The following ERMP1 variants were observed in gnomAD, a reference collection of about 807,000 sequenced individuals.
ERMP1 encodes the protein endoplasmic reticulum metallopeptidase 1.
Under a neutral mutation model 92.0 loss-of-function variants are expected in ERMP1, and 86 were observed. The observed-to-expected ratio is 0.93, with a 90% CI of 0.79 to 1.12. ERMP1 has a LOEUF of 1.12. ERMP1 is among the 50% of genes most tolerant of loss of function. The pLI is 0.00. For missense variants in ERMP1, 1,342 were observed against 1,116.3 expected (o/e 1.20, Z -2.88); for synonymous variants, 530 against 412.8 (o/e 1.28, Z -3.44).
At position 5,832,845 on chromosome 9, in the gene ERMP1, G is replaced by A; in HGVS notation, c.183C>T (p.Ser61=). 1 of 1,504,130 alleles carries A rather than the reference G, an allele frequency of 6.6e-7. No individual in the cohort carries two copies. Among genetic ancestry groups the A allele is most frequent in the South Asian group, 1.2e-5 (1 of 80,396 alleles). The allele number at this position is 1,504,130 out of a possible 1,614,324, so 93.2% of individuals were successfully genotyped here. A position where few individuals can be genotyped will look rare whatever the true frequency, so the allele number is the denominator to read the frequency against. The part of the protein sequence containing the change: ...KRSPGGSGGA[S]RGAGTGLSEV... ...CAGACAGCCCGGTCCCCGCGCCCCT[G>A]CTCGCGCCGCCGCTACCCCCGGGGC... The change falls in exon 1 of 15, where the codon AGC becomes AGT. Residue 61 remains serine, a synonymous_variant. Transcript: ENST00000339450.
chr9:5,796,244 C>T (rs1233422627), intron 13 of ERMP1, among the ~76,000 whole-genome samples: 1 of 152,114 alleles, frequency 6.6e-6, no homozygotes, highest in African/African-American at 2.4e-5. Flanking sequence ...AAAGACAAAA[C>T]ACAATTCTGG....
At chr9:5,808,846 T>C (rs754313554) in intron 8 of ERMP1, among the ~76,000 whole-genome samples, 8 of 152,162 alleles carry the variant, frequency 5.3e-5, no homozygotes, top group Admixed American at 2.0e-4. Flanking sequence ...CAGGTAATCC[T>C]CCTACCTCAG....
At chr9:5,814,554 C>A (rs1331615529) in intron 4 of ERMP1, among the ~76,000 whole-genome samples, 1 of 152,172 alleles carries the variant, frequency 6.6e-6, no homozygotes, top group East Asian at 1.9e-4. Flanking sequence ...ACCAGCCTGG[C>A]CAACATGGCA....
intron 6 of ERMP1, among the ~76,000 whole-genome samples, chr9:5,851,714 A>G (rs1830308841): frequency 6.6e-6 from 1 of 152,210 alleles, no homozygotes; most frequent in Admixed American, 6.5e-5. Context: ...CCAAGGCCTG[A>G]AAGTTGCAAA....
upstream of ERMP1, among the ~76,000 whole-genome samples, chr9:5,835,360 G>GCGCGCA (rs1302977350): frequency 2.0e-4 from 31 of 151,552 alleles, no homozygotes; most frequent in East Asian, 3.9e-4. Flanking sequence ...ACGCGCGCGC[G>GCGCGCA]CATGTGTGTG....
intron 2 of ERMP1, among the ~76,000 whole-genome samples, chr9:5,825,769 A>T (rs1356628120): frequency 6.6e-6 from 1 of 152,156 alleles, no homozygotes; most frequent in Non-Finnish European, 1.5e-5. Context: ...AAGATACCTA[A>T]TCTAGTAAGT....
At chr9:5,829,174 C>T (rs1170802917) in intron 2 of ERMP1, among the ~76,000 whole-genome samples, 1 of 146,232 alleles carries the variant, frequency 6.8e-6, no homozygotes, top group Non-Finnish European at 1.5e-5. Flanking sequence ...AAGATTGTGC[C>T]ACTGCATGCC....
chr9:5,822,433 C>T (rs1829576045), intron 4 of ERMP1, among the ~76,000 whole-genome samples: 1 of 151,980 alleles, frequency 6.6e-6, no homozygotes, highest in East Asian at 1.9e-4. Flanking sequence ...ATCTCAAACG[C>T]TTAGCTAAAG....
chr9:5,832,989 G>A lies in ERMP1; in HGVS notation c.39C>T (p.His13=). ...CCTCTCGACGCTCTACTCCGACGCG[G>A]TGCCGCCTCACAGCAGCCGACTCAG... The part of the protein sequence containing the change: ...WGSESAAVRR[H]RVGVERREGA... The change falls in exon 1 of 15, where the codon CAC becomes CAT. Residue 13 remains histidine, a synonymous_variant. Transcript: ENST00000339450. 1 of 1,559,946 alleles carries A rather than the reference G, an allele frequency of 6.4e-7. No homozygotes were observed. Among genetic ancestry groups the A allele is most frequent in the South Asian group, 1.2e-5 (1 of 86,562 alleles).
At chr9:5,855,983 G>T in intron 6 of ERMP1, 2 of 296,002 alleles carry the variant, frequency 6.8e-6, no homozygotes, top group South Asian at 4.1e-5. Flanking sequence ...CTGGACTAAT[G>T]GTTCTCCAGA....
chr9:5,825,351 C>G, intron 2 of ERMP1, 132 bp from the exon 3 acceptor site: 2 of 845,168 alleles, frequency 2.4e-6, no homozygotes, highest in Non-Finnish European at 3.6e-6. Context: ...ATAGCTCTGT[C>G]ATCATCAGGT....
intron 5 of ERMP1, among the ~76,000 whole-genome samples, chr9:5,865,465 G>A (rs536618556): frequency 7.3e-5 from 11 of 150,918 alleles, no homozygotes; most frequent in Admixed American, 4.0e-4. Context: ...CCGAGATCGC[G>A]CCACTGTGCT....
chr9:5,831,107 C>T, intron 1 of ERMP1, 79 bp from the exon 2 acceptor site: 1 of 1,094,138 alleles, frequency 9.1e-7, no homozygotes. Context: ...ACTACACACC[C>T]CTTCCTCCCC....
intron 6 of ERMP1, among the ~76,000 whole-genome samples, chr9:5,858,307 G>C (rs999922): frequency 0.28 from 42,742 of 152,068 alleles, 6,352 homozygotes; most frequent in East Asian, 0.55. Flanking sequence ...CCAGTGCTGA[G>C]AAGTTCCAAA....
At chr9:5,864,608 G>A (rs1830597879) in intron 5 of ERMP1, among the ~76,000 whole-genome samples, 1 of 152,228 alleles carries the variant, frequency 6.6e-6, no homozygotes. Context: ...TCCTCAGGGG[G>A]TGGTAGAGAT....
chr9:5,800,903 C>G (rs1828645044), intron 11 of ERMP1, among the ~76,000 whole-genome samples: 1 of 152,164 alleles, frequency 6.6e-6, no homozygotes, highest in South Asian at 2.1e-4. Flanking sequence ...AATATTTGCT[C>G]CTGTTTTTCC....
rs767695021 is a variant in ERMP1, at chr9:5,787,607, G to A, written c.2387-14C>T. The A allele has an allele frequency of 6.3e-6, 10 of 1,597,264 alleles. No homozygotes were observed. In the African/African-American group the frequency reaches 1.1e-4, roughly 17 times the overall value. On this transcript the variant is annotated splice_polypyrimidine_tract_variant and intron_variant, in intron 13 of 14. Coordinates refer to ENST00000339450, the MANE Select transcript of ERMP1 (RefSeq NM_024896.3). The stretch of plus-strand genomic sequence containing the variant: ...TATGGCTTGGTCCTGTAAGGTAAAA[G>A]GAAGAAAGAACAGTTAATCTTTTTA...
At chr9:5,820,096 C>T (rs144187703) in intron 4 of ERMP1, among the ~76,000 whole-genome samples, 4,847 of 152,198 alleles carry the variant, frequency 0.032, 121 homozygotes, top group Middle Eastern at 0.092. Context: ...CTCAGGAGTT[C>T]GAGACCAGCC....
intron 6 of ERMP1, among the ~76,000 whole-genome samples, chr9:5,859,108 T>C (rs187443522): frequency 6.6e-6 from 1 of 152,356 alleles, no homozygotes; most frequent in East Asian, 1.9e-4. Context: ...TTGACTCTAA[T>C]GCCTCTGACT....
Sources: allele counts gnomAD v4.1 joint callset (sites outside exome capture counted in the v4.1 genomes callset), GRCh38; gene constraint gnomAD v4.1.1; transcripts MANE v1.5; gene names NCBI Gene and HGNC (gene_info 2026-07-23, HGNC 2026-07-21).